Variants in RORA observed in about 807,000 individuals in gnomAD.
The protein encoded by RORA is nuclear receptor ROR-alpha.
A neutral mutation model predicts 69.5 loss-of-function variants in RORA; 7 were observed. The observed-to-expected ratio is 0.10, with a 90% CI of 0.06 to 0.19. RORA has a LOEUF of 0.19. RORA is among the 10% of genes least tolerant of loss of function. The pLI, the probability that RORA is intolerant of heterozygous loss-of-function variation, is 1.00. For synonymous variants in RORA, 261 were observed against 240.8 expected, an observed-to-expected ratio of 1.08 and a Z score of -0.78; for missense variants, 457 against 663.0, an observed-to-expected ratio of 0.69 and a Z score of 3.41.
intron 1 of RORA, among the ~76,000 whole-genome samples, chr15:61,086,034 T>G (rs2078619923): frequency 6.6e-6 from 1 of 152,224 alleles, no homozygotes; most frequent in Admixed American, 6.5e-5. Context: ...AATTTGGTAG[T>G]CTCACACATT....
chr15:60,725,584 A>T (rs1439427168), intron 1 of RORA, among the ~76,000 whole-genome samples: 6 of 152,146 alleles, frequency 3.9e-5, no homozygotes, highest in Admixed American at 1.3e-4. Flanking sequence ...TCCAATTATA[A>T]TCTTAGTTCT....
intron 2 of RORA, among the ~76,000 whole-genome samples, chr15:60,657,482 TC>T (rs1235907652): frequency 6.6e-6 from 1 of 152,140 alleles, no homozygotes. Context: ...AAGGAGTTAC[TC>T]CCCAGTCAGA....
In RORA at chr15:60,497,363, G is replaced by A. The variant is rs2065193528; in HGVS notation, c.*92C>T. ...GTGCAGTGTGTGGCGCTCCAGGTCT[G>A]TGCAGGGCCATATAAAGTGTCTCGG... On this transcript the variant is annotated 3_prime_UTR_variant, in exon 11 of 11. Coordinates refer to ENST00000335670, the MANE Select transcript of RORA (RefSeq NM_134261.3). 1.8e-6 allele frequency: 2 copies of A among 1,109,050 alleles called. No individual in the cohort carries two copies. Among genetic ancestry groups the A allele is most frequent in the Non-Finnish European group, 2.7e-6 (2 of 747,866 alleles). The allele number at this position is 1,109,050 out of a possible 1,614,324, so 68.7% of individuals were successfully genotyped here. A position where few individuals can be genotyped will look rare whatever the true frequency, so the allele number is the denominator to read the frequency against.
At chr15:61,081,632 C>G (rs923948004) in intron 1 of RORA, among the ~76,000 whole-genome samples, 1 of 151,796 alleles carries the variant, frequency 6.6e-6, no homozygotes, top group African/African-American at 2.4e-5. Context: ...ATGGTGAAAC[C>G]CCATCTCTAC....
At chr15:61,188,396 G>A (rs1045093385) in intron 1 of RORA, among the ~76,000 whole-genome samples, 1 of 152,156 alleles carries the variant, frequency 6.6e-6, no homozygotes, top group Non-Finnish European at 1.5e-5. Flanking sequence ...CACCAACGGG[G>A]CCTAGTTTGC....
At chr15:60,629,139 T>C (rs191501216) in intron 2 of RORA, among the ~76,000 whole-genome samples, 5 of 151,996 alleles carry the variant, frequency 3.3e-5, no homozygotes, top group East Asian at 3.9e-4. Context: ...AGCACTCCGA[T>C]TGTTTTCTTC....
At chr15:60,876,314 G>T (rs372161227) in intron 1 of RORA, among the ~76,000 whole-genome samples, 45,367 of 99,430 alleles carry the variant, frequency 0.46, 8,805 homozygotes, top group South Asian at 0.53. Flanking sequence ...CAGGAAGTGG[G>T]GGGGGGGGGG....
intron 1 of RORA, among the ~76,000 whole-genome samples, chr15:61,154,138 C>T (rs2079422123): frequency 6.6e-6 from 1 of 152,154 alleles, no homozygotes; most frequent in Non-Finnish European, 1.5e-5. Flanking sequence ...CACCCTTTAA[C>T]CTCCCCAAAT....
At chr15:61,148,699 C>G (rs1053258759) in intron 1 of RORA, among the ~76,000 whole-genome samples, 1 of 152,146 alleles carries the variant, frequency 6.6e-6, no homozygotes, top group African/African-American at 2.4e-5. Context: ...GAAAGTGGAG[C>G]AGATAATTCT....
chr15:60,505,739 G>A, intron 5 of RORA, 110 bp from the exon 6 acceptor site: 1 of 1,247,738 alleles, frequency 8.0e-7, no homozygotes, highest in East Asian at 2.4e-5. Flanking sequence ...TGCTGTGCGA[G>A]TTTTGACTGT....
intron 2 of RORA, 88 bp downstream of exon 2, chr15:60,678,569 G>T: frequency 2.0e-6 from 2 of 984,298 alleles, no homozygotes; most frequent in Non-Finnish European, 3.3e-6. Context: ...TGAAACATTA[G>T]TATATACTTG....
At chr15:60,561,746 A>G in intron 2 of RORA, among the ~76,000 whole-genome samples, 1 of 152,126 alleles carries the variant, frequency 6.6e-6, no homozygotes, top group Non-Finnish European at 1.5e-5. Flanking sequence ...CATATGAGCT[A>G]TATAAGTGAT....
intron 2 of RORA, among the ~76,000 whole-genome samples, chr15:60,664,504 C>G (rs1348548861): frequency 1.3e-5 from 2 of 152,148 alleles, no homozygotes; most frequent in African/African-American, 4.8e-5. Context: ...ACTTCAGAAG[C>G]CTAAAAGATC....
At chr15:60,907,587 C>T (rs1891581585) in intron 1 of RORA, among the ~76,000 whole-genome samples, 1 of 152,200 alleles carries the variant, frequency 6.6e-6, no homozygotes, top group Non-Finnish European at 1.5e-5. Context: ...AAATTTAACA[C>T]AGCAATACTT....
In RORA at chr15:60,698,630, G is replaced by GT. The variant is rs34961839; in HGVS notation, c.167-19945dup. On this transcript the variant is annotated intron_variant, in intron 1 of 10. Transcript: ENST00000335670. ...TACATAGATTTCTTTTGGCATTTGT[G>GT]TTTTTTTTTTTTTTTTTGGAAGTAC... Among the ~76,000 whole-genome samples, 541 of 112,658 alleles carry GT rather than the reference G, an allele frequency of 4.8e-3. 3 individuals are homozygous for GT. Among genetic ancestry groups the GT allele is most frequent in the African/African-American group, 0.015 (462 of 31,446 alleles). 73.9% of individuals were successfully genotyped at this position (112,658 alleles called of 152,430 possible).
chr15:60,536,268 A>T (rs982720406), intron 2 of RORA, among the ~76,000 whole-genome samples: 1 of 152,252 alleles, frequency 6.6e-6, no homozygotes, highest in African/African-American at 2.4e-5. Context: ...TTCTCTATAT[A>T]TGCCCATCAC....
intron 1 of RORA, among the ~76,000 whole-genome samples, chr15:61,129,458 G>A (rs992600149): frequency 2.0e-5 from 3 of 152,202 alleles, no homozygotes; most frequent in African/African-American, 7.2e-5. Flanking sequence ...GGAGGTTATG[G>A]GGGATGATCG....
Position 60,493,949 on chromosome 15 carries a change from T to TCA in RORA, c.*3504_*3505dup, listed in dbSNP as rs71122860. On this transcript the variant is annotated 3_prime_UTR_variant, in exon 11 of 11. Coordinates refer to ENST00000335670, the MANE Select transcript of RORA (RefSeq NM_134261.3). ...CGCACACACATCATACACATGCAAA[T>TCA]CACACACACACACACACACACACAC... 0.086 allele frequency: 12,325 copies of TCA among 143,922 alleles called. 570 individuals carry two copies. The highest frequency in any genetic ancestry group is 0.13 in the Admixed American group (1,897 of 14,404). The allele number at this position is 143,922 out of a possible 1,614,324, so 8.9% of individuals were successfully genotyped here.
At chr15:61,055,346 G>A (rs987832951) in intron 1 of RORA, among the ~76,000 whole-genome samples, 5 of 152,092 alleles carry the variant, frequency 3.3e-5, no homozygotes, top group Non-Finnish European at 5.9e-5. Flanking sequence ...GCAGTTCCTG[G>A]AGTAAGCATG....
Sources: gnomAD v4.1 joint callset for allele counts (sites outside exome capture counted in the v4.1 genomes callset) on GRCh38, gnomAD v4.1.1 for gene constraint, MANE v1.5 for transcripts, NCBI Gene and HGNC (gene_info 2026-07-23, HGNC 2026-07-21) for gene names.